The following PALM2AKAP2 variants were observed in gnomAD, a reference collection of about 807,000 sequenced individuals.
PALM2AKAP2 encodes the protein PALM2-AKAP2 fusion protein.
PALM2AKAP2 carries 37 observed loss-of-function variants against 71.5 expected under a neutral mutation model. The ratio of observed to expected loss-of-function variants is 0.52; its 90% CI spans 0.40 to 0.68. The LOEUF is 0.68. Among genes scored for constraint, PALM2AKAP2 ranks in the 30% least tolerant of loss-of-function variants. The pLI is 0.00. For synonymous variants in PALM2AKAP2, 468 were observed against 478.8 expected (o/e 0.98, Z 0.29); for missense variants, 1,224 against 1,191.8 (o/e 1.03, Z -0.40).
intron 1 of PALM2AKAP2, among the ~76,000 whole-genome samples, chr9:109,768,063 G>A (rs1472293456): frequency 2.2e-5 from 2 of 89,930 alleles, no homozygotes; most frequent in Non-Finnish European, 4.1e-5. Context: ...AAGAAAAACA[G>A]TGAAGGAAGG....
chr9:109,854,564 A>G (rs1318936018), intron 1 of PALM2AKAP2, among the ~76,000 whole-genome samples: 1 of 152,172 alleles, frequency 6.6e-6, no homozygotes, highest in Non-Finnish European at 1.5e-5. Flanking sequence ...ACAGAAGGAT[A>G]TAAAGAGCAA....
intron 2 of PALM2AKAP2, among the ~76,000 whole-genome samples, chr9:109,868,778 T>C (rs1829526813): frequency 6.6e-6 from 1 of 152,270 alleles, no homozygotes; most frequent in Non-Finnish European, 1.5e-5. Context: ...TGTTTCTCTC[T>C]GTTCATCATA....
chr9:109,740,225 C>T (rs547531461), intron 1 of PALM2AKAP2, among the ~76,000 whole-genome samples: 3 of 152,288 alleles, frequency 2.0e-5, no homozygotes, highest in East Asian at 3.9e-4. Context: ...GCTTGGGAAA[C>T]AGCAGTGAGC....
At chr9:109,913,861 A>G (rs182247472) in intron 3 of PALM2AKAP2, among the ~76,000 whole-genome samples, 8 of 145,524 alleles carry the variant, frequency 5.5e-5, no homozygotes, top group Non-Finnish European at 8.9e-5. Flanking sequence ...GGTTCATGCC[A>G]TTCTCCTGCC....
chr9:110,145,182 G>T (rs1836134254), intron 2 of PALM2AKAP2, among the ~76,000 whole-genome samples: 1 of 152,048 alleles, frequency 6.6e-6, no homozygotes, highest in African/African-American at 2.4e-5. Context: ...GTATAAATTT[G>T]ACTCTCAGGG....
At chr9:110,009,841 C>G (rs1588056811) in intron 6 of PALM2AKAP2, among the ~76,000 whole-genome samples, 1 of 152,182 alleles carries the variant, frequency 6.6e-6, no homozygotes, top group East Asian at 1.9e-4. Context: ...CCTGGCTTCT[C>G]CAGCTGGGGC....
rs146211105 is a variant in PALM2AKAP2, at chr9:109,927,649, G to T, written c.394+2567G>T. On this transcript the variant is annotated intron_variant, in intron 5 of 9. Transcript: ENST00000302798. ...GAGGTACCGTACTGCTGGATCACCA[G>T]TGGCTTTTGATTGCATGATAGCCTG... Among the ~76,000 whole-genome samples the T allele has an allele frequency of 4.6e-5, 7 of 152,282 alleles. No homozygotes were observed. The East Asian group carries it at 1.4e-3, about 29-fold the overall frequency.
At chr9:109,714,402 G>T (rs990963561) in intron 1 of PALM2AKAP2, among the ~76,000 whole-genome samples, 2 of 152,136 alleles carry the variant, frequency 1.3e-5, no homozygotes, top group African/African-American at 2.4e-5. Context: ...TACTCTGATT[G>T]CCTCTTGGAT....
intron 1 of PALM2AKAP2, among the ~76,000 whole-genome samples, chr9:109,826,283 G>A (rs1302657066): frequency 1.3e-5 from 2 of 152,068 alleles, no homozygotes; most frequent in African/African-American, 4.8e-5. Context: ...GTTACTGGGT[G>A]CAGCACACCA....
intron 1 of PALM2AKAP2, chr9:110,125,527 T>C: frequency 1.0e-6 from 1 of 985,548 alleles, no homozygotes; most frequent in Non-Finnish European, 1.2e-6. Context: ...TGAGCCAGGG[T>C]GCACGCAGGA....
chr9:109,693,721 T>C (rs1317306317), intron 1 of PALM2AKAP2, among the ~76,000 whole-genome samples: 1 of 152,018 alleles, frequency 6.6e-6, no homozygotes, highest in Non-Finnish European at 1.5e-5. Context: ...TTTAGAAATA[T>C]GTTGTTTAAT....
intron 1 of PALM2AKAP2, among the ~76,000 whole-genome samples, chr9:109,664,071 C>A (rs1827440865): frequency 6.6e-6 from 1 of 152,104 alleles, no homozygotes; most frequent in African/African-American, 2.4e-5. Flanking sequence ...TTATTTTGAG[C>A]CTGTGTGTGT....
chr9:109,787,766 TA>T (rs1827007796), intron 1 of PALM2AKAP2, among the ~76,000 whole-genome samples: 1 of 152,246 alleles, frequency 6.6e-6, no homozygotes. Flanking sequence ...CAGTATTAAC[TA>T]GTTTAAAAAC....
At chr9:109,910,388 A>G (rs1308375339) in intron 3 of PALM2AKAP2, among the ~76,000 whole-genome samples, 2 of 152,216 alleles carry the variant, frequency 1.3e-5, no homozygotes, top group African/African-American at 4.8e-5. Context: ...GATGCTGAAG[A>G]TATAGTTTGG....
At chr9:109,699,780 T>TA (rs1554707239) in intron 1 of PALM2AKAP2, among the ~76,000 whole-genome samples, 48 of 111,686 alleles carry the variant, frequency 4.3e-4, no homozygotes, top group African/African-American at 1.2e-3. Context: ...CTTTATTTAT[T>TA]TTTTTTTTTT....
At chr9:109,993,693 T>TCCTTCCTCTCCTCATTCTCCCTCC in intron 6 of PALM2AKAP2, among the ~76,000 whole-genome samples, 1 of 151,728 alleles carries the variant, frequency 6.6e-6, no homozygotes, top group Admixed American at 6.6e-5. Context: ...TATTCTCTCT[T>TCCTTCCTCTCCTCATTCTCCCTCC]CCTTCCTCTC....
exon 3 of PALM2AKAP2, chr9:110,156,461 C>T (rs775901338): frequency 1.2e-6 from 2 of 1,611,132 alleles, no homozygotes; most frequent in South Asian, 1.1e-5. Context: ...ATGAGACACA[C>T]AAATCTAAAA....
chr9:110,135,536 C>T (rs1478574270), intron 1 of PALM2AKAP2, among the ~76,000 whole-genome samples: 1 of 151,970 alleles, frequency 6.6e-6, no homozygotes, highest in African/African-American at 2.4e-5. Context: ...TATTTTGATG[C>T]AATCCCAGAA....
chr9:109,689,411 G>C (rs966045159), intron 1 of PALM2AKAP2, among the ~76,000 whole-genome samples: 2 of 151,854 alleles, frequency 1.3e-5, no homozygotes, highest in Non-Finnish European at 2.9e-5. Context: ...AGTTGATCAG[G>C]CTGGTCTCAA....
Sources: gnomAD v4.1 joint callset for allele counts (sites outside exome capture counted in the v4.1 genomes callset) on GRCh38, gnomAD v4.1.1 for gene constraint, MANE v1.5 for transcripts, NCBI Gene and HGNC (gene_info 2026-07-23, HGNC 2026-07-21) for gene names.